GTF3C1: variants seen among roughly 807,000 people sequenced by gnomAD.
GTF3C1 encodes the protein general transcription factor 3C polypeptide 1.
GTF3C1 carries 57 observed loss-of-function variants against 226.7 expected under a neutral mutation model. That is an observed-to-expected ratio of 0.25 (90% CI 0.20 to 0.31). GTF3C1 has a LOEUF of 0.31. GTF3C1 is among the 10% of genes least tolerant of loss of function. The pLI is 1.00. For synonymous variants in GTF3C1, 1,090 were observed against 1,084.8 expected, an observed-to-expected ratio of 1.00 and a Z score of -0.09; for missense variants, 2,217 against 2,776.1, an observed-to-expected ratio of 0.80 and a Z score of 4.53.
rs762134300 is a variant in GTF3C1, at chr16:27,489,100, G to A, written c.3372C>T (p.Tyr1124=). 1.9e-6 allele frequency: 3 copies of A among 1,613,916 alleles called. No homozygotes were observed. The highest frequency in any genetic ancestry group is 2.2e-5 in the South Asian group (2 of 91,058). ...LGAAGLDSSF[Y]GHLKRNWIWT... is the part of the protein sequence containing the mutation. Reference sequence around the variant, plus strand: ...AGATCCAGTTGCGCTTGAGGTGTCCGTAGAAGCTGGAATCGAGCCCTGCGG... The same window carrying A: ...AGATCCAGTTGCGCTTGAGGTGTCCATAGAAGCTGGAATCGAGCCCTGCGG... The change falls in exon 21 of 37, where the codon TAC becomes TAT. Residue 1124 remains tyrosine (Y), a synonymous_variant. Transcript: ENST00000356183.
At chr16:27,508,364 C>G (rs887404443) in intron 8 of GTF3C1, among the ~76,000 whole-genome samples, 176 bp downstream of exon 8, 1 of 152,204 alleles carries the variant, frequency 6.6e-6, no homozygotes, top group African/African-American at 2.4e-5. Context: ...CAAACAGAAA[C>G]TACAGTGAAG....
intron 9 of GTF3C1, 120 bp from the exon 10 acceptor site, chr16:27,506,236 AGGG>A: frequency 1.6e-6 from 1 of 616,118 alleles, no homozygotes; most frequent in South Asian, 2.0e-5. Flanking sequence ...TTGAAAGGTG[AGGG>A]AAGTGGACCA....
At position 27,462,965 on chromosome 16, in the gene GTF3C1, G is replaced by A. The variant is rs1035006194; in HGVS notation, c.5925-479C>T. ...GCCACCCGGGGCCCACGAGTGGGGC[G>A]GACCCAGAAGAGCTGGACACCAGGC... On this transcript the variant is annotated intron_variant, in intron 35 of 36. Coordinates refer to ENST00000356183, the MANE Select transcript of GTF3C1 (RefSeq NM_001520.4). The surrounding 1 kb of genome is among the most constrained non-coding windows in gnomAD (Gnocchi z 4.5). The A allele has an allele frequency of 4.6e-5, 8 of 175,016 alleles. No individual in the cohort carries two copies. The highest frequency in any genetic ancestry group is 7.1e-5 in the African/African-American group (3 of 42,200). The allele number at this position is 175,016 out of a possible 1,614,324, so 10.8% of individuals were successfully genotyped here.
chr16:27,529,264 G>A (rs1241793893), intron 5 of GTF3C1, among the ~76,000 whole-genome samples: 17 of 152,162 alleles, frequency 1.1e-4, no homozygotes, highest in South Asian at 2.1e-4. Context: ...CCAACATGGC[G>A]AAACCCCGTC....
intron 29 of GTF3C1, 149 bp from the exon 30 acceptor site, chr16:27,472,069 A>AGT (rs781678980): frequency 3.5e-5 from 23 of 652,492 alleles, no homozygotes; most frequent in Admixed American, 5.0e-5. Flanking sequence ...TGTGTCAGTG[A>AGT]GTGTGTGTGT....
chr16:27,464,160 C>A lies in GTF3C1; in HGVS notation c.5872+160G>T, dbSNP rs540984489. 1.1e-5 allele frequency: 5 copies of A among 472,328 alleles called. No individual in the cohort carries two copies. In the South Asian group the frequency reaches 2.6e-4, roughly 25 times the overall value. 29.3% of individuals were successfully genotyped at this position (472,328 alleles called of 1,614,324 possible). ...CTGGAAATGCATTTACAGGCAGTATCCTCCCCCTCAGGGCTCAGGCTCTGA... is the reference window on the plus strand; with the variant it reads ...CTGGAAATGCATTTACAGGCAGTATACTCCCCCTCAGGGCTCAGGCTCTGA... On this transcript the variant is annotated intron_variant, in intron 34 of 36. Transcript: ENST00000356183.
Position 27,505,922 on chromosome 16 carries a change from C to T in GTF3C1, c.1747G>A (p.Glu583Lys). Residue 583 changes from glutamate to lysine, a missense_variant, in exon 10 of 37, where the codon GAG becomes AAG. Glu to Lys is a moderately conservative substitution (Grantham distance 56). Around this residue, in one of 12 missense-constraint regions of GTF3C1, gnomAD observed 173 missense variants for 207.2 expected, o/e 0.83. Coordinates refer to ENST00000356183, the MANE Select transcript of GTF3C1 (RefSeq NM_001520.4). ...ACCTTTGGGTTTTCCATCCGGACCT[C>T]CTCGATCACAGCTATGTCACCACTG... The part of the protein sequence containing the change: ...SNSGDIAVIE[E>K]VRMENPKESS... 6.2e-7 allele frequency: 1 copy of T among 1,611,052 alleles called. No individual in the cohort carries two copies. The highest frequency in any genetic ancestry group is 8.5e-7 in the Non-Finnish European group (1 of 1,177,174).
rs2087724047 is a variant in GTF3C1, at chr16:27,462,687, C to A, written c.5925-201G>T. ...GCCCTTGACCGCCAGCTGGGTGGAA[C>A]CAGGACGTGGTGTCCGCTCTGATGT... On this transcript the variant is annotated intron_variant, in intron 35 of 36. Transcript: ENST00000356183. The surrounding 1 kb of genome is among the most constrained non-coding windows in gnomAD (Gnocchi z 4.5). 3 of 572,580 alleles carry A rather than the reference C, an allele frequency of 5.2e-6. No homozygotes were observed. The highest frequency in any genetic ancestry group is 3.7e-5 in the African/African-American group (2 of 53,506). The allele number at this position is 572,580 out of a possible 1,614,324, so 35.5% of individuals were successfully genotyped here.
Position 27,507,016 on chromosome 16 carries a change from C to A in GTF3C1, c.1383G>T (p.Met461Ile), listed in dbSNP as rs578242944. 4.1e-4 allele frequency: 660 copies of A among 1,613,978 alleles called. 10 individuals carry two copies. In the South Asian group the frequency reaches 6.9e-3, roughly 17 times the overall value. ...ELLTTVSLASMQEESLLPEGE... is the reference protein window; with the variant it reads ...ELLTTVSLASIQEESLLPEGE... ...CTTCAGGCAGAAGCGACTCCTCCTG[C>A]ATAGACGCCAGGCTCACGGTGGTCA... Residue 461 changes from methionine (M) to isoleucine (I), a missense_variant, in exon 9 of 37, where the codon ATG becomes ATT. Transcript: ENST00000356183. This position sits in a 1 kb window ranked among gnomAD's most constrained non-coding sequence, Gnocchi z 4.9.
rs372946765 is a variant in GTF3C1, at chr16:27,501,355, C to A, written c.1908-11G>T. On this transcript the variant is annotated splice_polypyrimidine_tract_variant and intron_variant, in intron 11 of 36. Coordinates refer to ENST00000356183, the MANE Select transcript of GTF3C1 (RefSeq NM_001520.4). ...ATCATCTTCTGAATCCTGGGCATCA[C>A]AAAATAAGCAGATAACACTCCCAAT... 663 of 1,613,446 alleles carry A rather than the reference C, an allele frequency of 4.1e-4. 1 individual carries two copies. Among genetic ancestry groups the A allele is most frequent in the Non-Finnish European group, 5.2e-4 (619 of 1,179,520 alleles).
chr16:27,542,568 A>G (rs77145291), intron 2 of GTF3C1, among the ~76,000 whole-genome samples: 1 of 102,940 alleles, frequency 9.7e-6, no homozygotes, highest in African/African-American at 3.6e-5. Flanking sequence ...CCTCAAAAAG[A>G]AAAAAAAAAA....
chr16:27,475,313 G>T (rs1407571643), intron 29 of GTF3C1, among the ~76,000 whole-genome samples: 2 of 152,216 alleles, frequency 1.3e-5, no homozygotes, highest in African/African-American at 4.8e-5. Flanking sequence ...TAATGATCGG[G>T]TCCTCACCCA....
At position 27,488,414 on chromosome 16, in the gene GTF3C1, G is replaced by T. The variant is rs764282353; in HGVS notation, c.3513C>A (p.Gly1171=). The change falls in exon 23 of 37, where the codon GGC becomes GGA. Residue 1171 remains glycine, a splice_region_variant and synonymous_variant. Coordinates refer to ENST00000356183, the MANE Select transcript of GTF3C1 (RefSeq NM_001520.4). The part of the protein sequence containing the change: ...SKRPMPLSAR[G]NSRLNIWGEA... ...CCCCCCAAATATTCAACCTGCTGTT[G>T]CCTAGACATAATCACAGGAGACAAC... The T allele has an allele frequency of 4.2e-5, 67 of 1,608,272 alleles. No homozygotes were observed. Among genetic ancestry groups the T allele is most frequent in the Non-Finnish European group, 5.4e-5 (64 of 1,174,902 alleles).
rs745377283 is a variant in GTF3C1, at chr16:27,481,190, A to G, written c.4085T>C (p.Val1362Ala). Residue 1362 changes from valine (V) to alanine (A), a missense_variant and splice_region_variant, in exon 27 of 37, where the codon GTT becomes GCT. Physicochemically the swap from Val to Ala is moderately conservative, Grantham distance 64. Transcript: ENST00000356183. The part of the protein sequence containing the change: ...NRRGDYDDPK[V>A]CANEFKEFVE... ...AAATTCTTTAAACTCGTTGGCACAA[A>G]CCTTTCAACATGAGAGCATGAGAGG... The G allele has an allele frequency of 6.2e-7, 1 of 1,613,518 alleles. No individual in the cohort carries two copies. Among genetic ancestry groups the G allele is most frequent in the East Asian group, 2.2e-5 (1 of 44,874 alleles).
At chr16:27,476,321 C>T in intron 29 of GTF3C1, 130 bp downstream of exon 29, 1 of 603,984 alleles carries the variant, frequency 1.7e-6, no homozygotes, top group Non-Finnish European at 3.0e-6. Flanking sequence ...AGTTGAAAGA[C>T]ATGTGGGCTG....
intron 6 of GTF3C1, among the ~76,000 whole-genome samples, chr16:27,520,284 T>G (rs1379954453): frequency 6.6e-6 from 1 of 152,106 alleles, no homozygotes; most frequent in African/African-American, 2.4e-5. Flanking sequence ...CCGGCTAATT[T>G]TTGTATTTTT....
intron 29 of GTF3C1, among the ~76,000 whole-genome samples, chr16:27,472,277 C>T (rs2087886445): frequency 6.6e-6 from 1 of 152,180 alleles, no homozygotes; most frequent in East Asian, 1.9e-4. Flanking sequence ...TGTCCCTTGG[C>T]CTCCCACCCA....
chr16:27,488,085 A>G, intron 23 of GTF3C1, 142 bp downstream of exon 23: 1 of 682,908 alleles, frequency 1.5e-6, no homozygotes, highest in Non-Finnish European at 2.6e-6. Context: ...CAACCATCAT[A>G]GAGAGTCAGC....
chr16:27,469,306 G>A lies in GTF3C1; in HGVS notation c.5059C>T (p.Arg1687Trp), dbSNP rs970150457. The change falls in exon 32 of 37, where the codon CGG (arginine) becomes TGG (tryptophan). Residue 1687 changes from arginine to tryptophan, a missense_variant. Arg to Trp is a moderately radical substitution (Grantham distance 101). Coordinates refer to ENST00000356183, the MANE Select transcript of GTF3C1 (RefSeq NM_001520.4). The surrounding 1 kb of genome is among the most constrained non-coding windows in gnomAD (Gnocchi z 4.5). ...GAGCACTCACCAGCGGGCCTGAGCCGGGCGGGCACAGGGGTGCAGCGGAGC... is the reference window on the plus strand; with the variant it reads ...GAGCACTCACCAGCGGGCCTGAGCCAGGCGGGCACAGGGGTGCAGCGGAGC... ...FQLRCTPVPA[R>W]LRPAAAPLEE... 23 of 1,567,700 alleles carry A rather than the reference G, an allele frequency of 1.5e-5. No individual in the cohort carries two copies. Among genetic ancestry groups the A allele is most frequent in the African/African-American group, 1.3e-5 (1 of 74,120 alleles).
Sources: gnomAD v4.1 joint callset for allele counts (sites outside exome capture counted in the v4.1 genomes callset) on GRCh38, gnomAD v4.1.1 for gene constraint, gnomAD v4.1.1 regional missense constraint, Gnocchi (gnomAD v3.1) non-coding constraint, MANE v1.5 for transcripts, NCBI Gene and HGNC (gene_info 2026-07-23, HGNC 2026-07-21) for gene names.